IL1RAPL2: variants seen among roughly 807,000 people sequenced by gnomAD.
The protein encoded by IL1RAPL2 is X-linked interleukin-1 receptor accessory protein-like 2.
Under a neutral mutation model 44.1 loss-of-function variants are expected in IL1RAPL2, and 3 were observed. That is an observed-to-expected ratio of 0.07 (90% CI 0.03 to 0.18). The LOEUF (loss-of-function observed/expected upper bound fraction) is 0.18, where lower values mean the gene tolerates loss of function less well. Among genes scored for constraint, IL1RAPL2 ranks in the 10% least tolerant of loss-of-function variants. IL1RAPL2 has a pLI of 1.00. For synonymous variants in IL1RAPL2, 181 were observed against 178.8 expected (o/e 1.01, Z -0.10); for missense variants, 391 against 496.4 (o/e 0.79, Z 2.02).
At chrX:104,781,762 A>G (rs1254697762) in intron 2 of IL1RAPL2, among the ~76,000 whole-genome samples, 1 of 112,371 alleles carries the variant, frequency 8.9e-6, no homozygotes, top group Non-Finnish European at 1.9e-5. Flanking sequence ...TAGCTGCAAG[A>G]AAAGCTGGCA....
At chrX:104,731,399 G>A (rs1003080566) in intron 2 of IL1RAPL2, among the ~76,000 whole-genome samples, 1 of 110,816 alleles carries the variant, frequency 9.0e-6, no homozygotes, top group East Asian at 2.8e-4. Flanking sequence ...TTTTGTATAA[G>A]GTGTAACAGA....
At chrX:105,241,008 C>T (rs73517440) in intron 4 of IL1RAPL2, among the ~76,000 whole-genome samples, 4,775 of 111,015 alleles carry the variant, frequency 0.043, 257 homozygotes, top group African/African-American at 0.15. Flanking sequence ...GAGCGCACCA[C>T]TGCACTACGC....
At chrX:104,875,720 T>C (rs989333274) in intron 2 of IL1RAPL2, among the ~76,000 whole-genome samples, 2 of 111,946 alleles carry the variant, frequency 1.8e-5, no homozygotes, top group African/African-American at 6.5e-5. Flanking sequence ...TTATTCAAAA[T>C]TGTTTCTCTC....
chrX:105,662,387 A>G (rs938749217), intron 6 of IL1RAPL2, among the ~76,000 whole-genome samples: 3 of 112,053 alleles, frequency 2.7e-5, no homozygotes, highest in African/African-American at 9.7e-5. Flanking sequence ...TTTATGTTAT[A>G]TGGCTTGTGT....
intron 2 of IL1RAPL2, among the ~76,000 whole-genome samples, chrX:104,692,062 T>C (rs189977255): frequency 3.1e-4 from 35 of 111,878 alleles, no homozygotes; most frequent in South Asian, 3.0e-3. Flanking sequence ...AGCACATCAC[T>C]ATCCTGAAGA....
At chrX:105,118,113 G>A (rs2032881138) in intron 2 of IL1RAPL2, among the ~76,000 whole-genome samples, 1 of 112,595 alleles carries the variant, frequency 8.9e-6, no homozygotes, top group Non-Finnish European at 1.9e-5. Flanking sequence ...TTCCAAAATA[G>A]TTGTTTAAAG....
At chrX:105,060,897 CT>C (rs1202453134) in intron 2 of IL1RAPL2, among the ~76,000 whole-genome samples, 1 of 110,508 alleles carries the variant, frequency 9.0e-6, no homozygotes, top group Admixed American at 9.7e-5. Flanking sequence ...GTAATGTCTT[CT>C]TTTTAAATTC....
intron 6 of IL1RAPL2, among the ~76,000 whole-genome samples, chrX:105,590,519 C>A (rs1602480280): frequency 9.0e-6 from 1 of 111,398 alleles, no homozygotes; most frequent in South Asian, 3.7e-4. Context: ...TCATAGATTA[C>A]ATTTATTATT....
At chrX:105,171,710 T>G (rs2033425124) in intron 2 of IL1RAPL2, among the ~76,000 whole-genome samples, 1 of 104,060 alleles carries the variant, frequency 9.6e-6, no homozygotes, top group African/African-American at 3.5e-5. Context: ...ATGTTGTGGG[T>G]GTGTGTGGGA....
intron 5 of IL1RAPL2, among the ~76,000 whole-genome samples, chrX:105,315,353 A>G (rs2034828534): frequency 9.4e-6 from 1 of 106,716 alleles, no homozygotes; most frequent in African/African-American, 3.4e-5. Flanking sequence ...AAATAATACT[A>G]TTGGCACATA....
At chrX:104,955,192 C>G (rs1257951115) in intron 2 of IL1RAPL2, among the ~76,000 whole-genome samples, 1 of 111,255 alleles carries the variant, frequency 9.0e-6, no homozygotes, top group Non-Finnish European at 1.9e-5. Flanking sequence ...GAGTGGAGTC[C>G]TGCCTCTTAG....
At chrX:105,474,930 C>T (rs1344746054) in intron 5 of IL1RAPL2, among the ~76,000 whole-genome samples, 13 of 109,983 alleles carry the variant, frequency 1.2e-4, no homozygotes, top group African/African-American at 4.3e-4. Context: ...GTGGCTATGA[C>T]CTTGGACTCA....
chrX:105,749,043 T>A lies in IL1RAPL2; in HGVS notation c.1132T>A (p.Tyr378Asn). ...ACTGCTGGTGGTCATTTACAAATGC[T>A]ACAACATTGAATTGATGCTCTTCTA... is the stretch of plus-strand genomic sequence containing the variant. The part of the protein sequence containing the change: ...LVLLVVIYKC[Y>N]NIELMLFYRQ... The change falls in exon 9 of 11, where the codon TAC (tyrosine) becomes AAC (asparagine). Residue 378 changes from tyrosine to asparagine, a missense_variant. Tyr to Asn is a moderately radical substitution (Grantham distance 143). Transcript: ENST00000372582. The A allele has an allele frequency of 8.3e-7, 1 of 1,209,862 alleles. No individual in the cohort carries two copies. Among genetic ancestry groups the A allele is most frequent in the South Asian group, 1.8e-5 (1 of 56,847 alleles).
chrX:105,604,186 T>TA lies in IL1RAPL2; in HGVS notation c.773-113175dup, dbSNP rs748692829. Among the ~76,000 whole-genome samples, 558 of 110,972 alleles carry TA rather than the reference T, an allele frequency of 5.0e-3. 5 individuals are homozygous for TA. Among genetic ancestry groups the TA allele is most frequent in the African/African-American group, 0.017 (534 of 30,682 alleles). ...AACAGAAATAAACAAAATAGATACG[T>TA]AAAAAACAATACAAAATATTAACAA... On this transcript the variant is annotated intron_variant, in intron 6 of 10. Coordinates refer to ENST00000372582, the MANE Select transcript of IL1RAPL2 (RefSeq NM_017416.2).
intron 6 of IL1RAPL2, among the ~76,000 whole-genome samples, chrX:105,536,999 G>A (rs952956280): frequency 9.0e-6 from 1 of 111,114 alleles, no homozygotes; most frequent in Non-Finnish European, 1.9e-5. Flanking sequence ...TATGATACAC[G>A]TTGCAAATAA....
intron 2 of IL1RAPL2, among the ~76,000 whole-genome samples, chrX:104,728,259 T>C (rs1355824015): frequency 9.0e-6 from 1 of 111,644 alleles, no homozygotes; most frequent in Non-Finnish European, 1.9e-5. Flanking sequence ...AATTTACTAC[T>C]CATAGACACT....
chrX:105,096,147 A>T (rs2032601009), intron 2 of IL1RAPL2, among the ~76,000 whole-genome samples: 1 of 112,267 alleles, frequency 8.9e-6, no homozygotes, highest in African/African-American at 3.2e-5. Context: ...ATATCATTTA[A>T]TATCACATGG....
intron 1 of IL1RAPL2, among the ~76,000 whole-genome samples, chrX:104,585,372 A>ATAT (rs1928534016): frequency 4.0e-5 from 1 of 24,743 alleles, no homozygotes; most frequent in African/African-American, 3.0e-4. Flanking sequence ...TATATATATT[A>ATAT]TATATAATAT....
chrX:104,948,353 A>T (rs1399527047), intron 2 of IL1RAPL2, among the ~76,000 whole-genome samples: 113 of 107,774 alleles, frequency 1.0e-3, no homozygotes, highest in Middle Eastern at 4.7e-3. Flanking sequence ...TACAATCATG[A>T]CATCTGCAAA....
Sources: allele counts gnomAD v4.1 joint callset (sites outside exome capture counted in the v4.1 genomes callset), GRCh38; gene constraint gnomAD v4.1.1; transcripts MANE v1.5; gene names NCBI Gene and HGNC (gene_info 2026-07-23, HGNC 2026-07-21).